The following TENM3 variants were observed in gnomAD, a reference collection of about 807,000 sequenced individuals.
The protein encoded by TENM3 is teneurin transmembrane protein 3.
A neutral mutation model predicts 255.1 loss-of-function variants in TENM3; 63 were observed. That is an observed-to-expected ratio of 0.25 (90% CI 0.20 to 0.30). The LOEUF is 0.30. Among genes scored for constraint, TENM3 ranks in the 10% least tolerant of loss-of-function variants. TENM3 has a pLI of 1.00. For missense variants in TENM3, 2,929 were observed against 3,461.1 expected, an observed-to-expected ratio of 0.85 and a Z score of 3.86; for synonymous variants, 1,306 against 1,322.3, an observed-to-expected ratio of 0.99 and a Z score of 0.27.
At chr4:182,444,447 A>C (rs1201964947) in intron 3 of TENM3, among the ~76,000 whole-genome samples, 1 of 152,156 alleles carries the variant, frequency 6.6e-6, no homozygotes, top group Non-Finnish European at 1.5e-5. Flanking sequence ...TTTACAAATA[A>C]AGGTATAATT....
chr4:182,401,426 A>G (rs1267141184), intron 3 of TENM3, among the ~76,000 whole-genome samples: 1 of 152,206 alleles, frequency 6.6e-6, no homozygotes, highest in African/African-American at 2.4e-5. Flanking sequence ...TTATTCTTTA[A>G]AATACAAGCT....
chr4:181,670,036 A>G, the TENM3 span, among the ~76,000 whole-genome samples: 1 of 152,220 alleles, frequency 6.6e-6, no homozygotes, highest in African/African-American at 2.4e-5. Flanking sequence ...TTATTTTCAT[A>G]GATATACTTT....
At chr4:181,807,113 T>C in the TENM3 span, among the ~76,000 whole-genome samples, 11 of 152,320 alleles carry the variant, frequency 7.2e-5, no homozygotes, top group South Asian at 2.1e-4. Context: ...AATTCTACCA[T>C]GGCATCTGTT....
At chr4:181,813,932 GA>G in the TENM3 span, among the ~76,000 whole-genome samples, 1 of 151,658 alleles carries the variant, frequency 6.6e-6, no homozygotes, top group Non-Finnish European at 1.5e-5. Flanking sequence ...CAATTAATAA[GA>G]AAAAATGGGA....
chr4:181,597,490 T>C, the TENM3 span, among the ~76,000 whole-genome samples: 1 of 152,250 alleles, frequency 6.6e-6, no homozygotes, highest in African/African-American at 2.4e-5. Context: ...TTTCTGCCTG[T>C]TGAGGAAACA....
At chr4:182,449,044 T>C in intron 3 of TENM3, 1 of 374,184 alleles carries the variant, frequency 2.7e-6, no homozygotes, top group Non-Finnish European at 5.4e-6. Context: ...AGCGCTGGGC[T>C]CGGTTCCTCA....
At chr4:182,183,966 A>T (rs1192075188) in intron 1 of TENM3, among the ~76,000 whole-genome samples, 5 of 152,216 alleles carry the variant, frequency 3.3e-5, no homozygotes, top group Admixed American at 6.5e-5. Context: ...ATATAAAAAA[A>T]CCAATAGTTA....
intron 1 of TENM3, among the ~76,000 whole-genome samples, chr4:182,313,892 A>G (rs1398175769): frequency 6.6e-6 from 1 of 151,944 alleles, no homozygotes; most frequent in Non-Finnish European, 1.5e-5. Context: ...CTAAATCTCC[A>G]CTCCATCCCT....
chr4:182,688,742 C>A (rs1257865975), intron 12 of TENM3, among the ~76,000 whole-genome samples: 1 of 152,088 alleles, frequency 6.6e-6, no homozygotes. Context: ...CAAATATATG[C>A]CCTTGTTGGC....
At chr4:181,953,888 A>G in the TENM3 span, among the ~76,000 whole-genome samples, 2 of 152,162 alleles carry the variant, frequency 1.3e-5, no homozygotes, top group South Asian at 2.1e-4. Context: ...CAATCAAAGT[A>G]TAGTACGTTT....
intron 3 of TENM3, among the ~76,000 whole-genome samples, chr4:182,532,067 A>G (rs1483946864): frequency 3.9e-5 from 6 of 152,224 alleles, no homozygotes; most frequent in Admixed American, 2.0e-4. Context: ...CTATGACTAC[A>G]TCAGAATTTC....
chr4:181,531,690 A>G, the TENM3 span, among the ~76,000 whole-genome samples: 2 of 152,238 alleles, frequency 1.3e-5, no homozygotes, highest in Non-Finnish European at 2.9e-5. Flanking sequence ...ACAAATGTTC[A>G]ATGCTGTAAA....
At chr4:182,730,150 T>G in intron 14 of TENM3, 50 bp from the exon 15 acceptor site, 1 of 1,609,714 alleles carries the variant, frequency 6.2e-7, no homozygotes, top group Non-Finnish European at 8.5e-7. Flanking sequence ...CATGATAATG[T>G]TGGCCTGAAA....
the TENM3 span, among the ~76,000 whole-genome samples, chr4:181,479,016 G>A: frequency 6.6e-6 from 1 of 152,164 alleles, no homozygotes; most frequent in Non-Finnish European, 1.5e-5. Flanking sequence ...AGAGAGAAAT[G>A]ACACATCACA....
the TENM3 span, among the ~76,000 whole-genome samples, chr4:181,863,286 A>G: frequency 6.6e-6 from 1 of 152,140 alleles, no homozygotes; most frequent in Admixed American, 6.6e-5. Flanking sequence ...ACTGTAAGCA[A>G]TGCATTTTTA....
chr4:181,853,308 C>G, the TENM3 span, among the ~76,000 whole-genome samples: 2 of 152,160 alleles, frequency 1.3e-5, no homozygotes, highest in East Asian at 3.8e-4. Context: ...CTGATTCAAA[C>G]CAAAGTATTT....
At chr4:181,627,830 A>C in the TENM3 span, among the ~76,000 whole-genome samples, 1 of 152,192 alleles carries the variant, frequency 6.6e-6, no homozygotes, top group Admixed American at 6.5e-5. Context: ...AGCATGATTT[A>C]TAATCCTTTG....
At chr4:181,548,612 TTGA>T in the TENM3 span, among the ~76,000 whole-genome samples, 4 of 152,196 alleles carry the variant, frequency 2.6e-5, no homozygotes, top group Non-Finnish European at 5.9e-5. Context: ...AGGAAGCTTT[TTGA>T]TGATGTGCCT....
chr4:181,626,495 C>G, the TENM3 span, among the ~76,000 whole-genome samples: 1 of 152,050 alleles, frequency 6.6e-6, no homozygotes, highest in Non-Finnish European at 1.5e-5. Context: ...GATGAGGGTT[C>G]CAGGAAAGTT....
Sources: allele counts gnomAD v4.1 joint callset (sites outside exome capture counted in the v4.1 genomes callset), GRCh38; gene constraint gnomAD v4.1.1; transcripts MANE v1.5; gene names NCBI Gene and HGNC (gene_info 2026-07-23, HGNC 2026-07-21).